The following SNX7 variants were observed in gnomAD, a reference collection of about 807,000 sequenced individuals.
SNX7 encodes sorting nexin 7, also known as sorting nexin-7.
In SNX7, 35 loss-of-function variants were observed where a neutral mutation model predicts 48.4. That is an observed-to-expected ratio of 0.72 (90% CI 0.55 to 0.96). The LOEUF is 0.96. Ranked by LOEUF, SNX7 falls within the 40% of genes least tolerant of loss-of-function variation. The pLI is 0.00. For missense variants in SNX7, 553 were observed against 548.9 expected, an observed-to-expected ratio of 1.01 and a Z score of -0.07; for synonymous variants, 190 against 190.2, an observed-to-expected ratio of 1.00 and a Z score of 0.01.
chr1:98,680,305 G>A (rs1650409779), intron 1 of SNX7, among the ~76,000 whole-genome samples: 1 of 152,208 alleles, frequency 6.6e-6, no homozygotes, highest in African/African-American at 2.4e-5. Flanking sequence ...CACAGTATGG[G>A]GACCCTGAGC....
chr1:98,701,967 T>C, intron 7 of SNX7, 64 bp downstream of exon 7: 2 of 1,077,100 alleles, frequency 1.9e-6, no homozygotes, highest in Non-Finnish European at 2.8e-6. Flanking sequence ...TTATTAGCAA[T>C]GTCCTTACAT....
intron 1 of SNX7, among the ~76,000 whole-genome samples, chr1:98,676,835 A>G (rs907840302): frequency 2.6e-5 from 4 of 152,230 alleles, no homozygotes; most frequent in Non-Finnish European, 5.9e-5. Flanking sequence ...GTAATTTAAC[A>G]TAGAAAGGCT....
intron 1 of SNX7, among the ~76,000 whole-genome samples, chr1:98,681,038 A>T (rs1262054037): frequency 1.3e-5 from 2 of 152,194 alleles, no homozygotes; most frequent in Non-Finnish European, 2.9e-5. Context: ...AGACTGGGGC[A>T]TTTGTATAGG....
At chr1:98,671,368 T>TA (rs767762265) in intron 1 of SNX7, among the ~76,000 whole-genome samples, 121 of 152,198 alleles carry the variant, frequency 8.0e-4, no homozygotes, top group African/African-American at 2.7e-3. Flanking sequence ...CTAGTATTAA[T>TA]AAAAAAAGAC....
At chr1:98,677,286 CT>C (rs1210737274) in intron 1 of SNX7, 1 of 152,022 alleles carries the variant, frequency 6.6e-6, no homozygotes, top group African/African-American at 2.4e-5. Context: ...CCATCTTTTT[CT>C]TTCTTTTATT....
chr1:98,746,918 A>T (rs543676670), intron 8 of SNX7, among the ~76,000 whole-genome samples: 25 of 152,188 alleles, frequency 1.6e-4, no homozygotes, highest in African/African-American at 6.0e-4. Flanking sequence ...TTTGAATAAG[A>T]TAATCTTTAG....
At chr1:98,733,977 CAATATCATT>C (rs1653647316) in intron 7 of SNX7, among the ~76,000 whole-genome samples, 2 of 152,122 alleles carry the variant, frequency 1.3e-5, no homozygotes, top group Non-Finnish European at 2.9e-5. Context: ...TTTTCATGCT[CAATATCATT>C]TCCAGCCTTT....
intron 7 of SNX7, among the ~76,000 whole-genome samples, chr1:98,711,699 G>T (rs1652317027): frequency 6.6e-6 from 1 of 152,168 alleles, no homozygotes; most frequent in Non-Finnish European, 1.5e-5. Context: ...CTGATTACGT[G>T]TTGGTTGATG....
intron 7 of SNX7, among the ~76,000 whole-genome samples, chr1:98,720,813 G>T (rs1475209610): frequency 6.6e-6 from 1 of 152,024 alleles, no homozygotes; most frequent in Non-Finnish European, 1.5e-5. Context: ...ATTAGGAGCT[G>T]TTTTTTATAT....
At chr1:98,691,920 C>T (rs1157573298) in intron 4 of SNX7, among the ~76,000 whole-genome samples, 1 of 115,580 alleles carries the variant, frequency 8.7e-6, no homozygotes, top group African/African-American at 3.7e-5. Flanking sequence ...TATATACACA[C>T]ACACACACAC....
chr1:98,752,005 C>G (rs1654611088), intron 8 of SNX7, among the ~76,000 whole-genome samples: 1 of 152,022 alleles, frequency 6.6e-6, no homozygotes, highest in Non-Finnish European at 1.5e-5. Flanking sequence ...CAGATACTAA[C>G]TTTTTTCACT....
intron 1 of SNX7, among the ~76,000 whole-genome samples, chr1:98,673,824 A>G (rs1650009990): frequency 6.6e-6 from 1 of 152,244 alleles, no homozygotes; most frequent in South Asian, 2.1e-4. Context: ...GATTGTGGAG[A>G]GGATTAAATG....
At chr1:98,756,670 A>G (rs1018763963) in intron 8 of SNX7, among the ~76,000 whole-genome samples, 2 of 151,566 alleles carry the variant, frequency 1.3e-5, no homozygotes, top group Non-Finnish European at 2.9e-5. Flanking sequence ...GCATATCTCC[A>G]GAGCTTTCCA....
intron 7 of SNX7, among the ~76,000 whole-genome samples, chr1:98,710,802 C>T (rs1476087624): frequency 6.6e-6 from 1 of 152,162 alleles, no homozygotes; most frequent in African/African-American, 2.4e-5. Context: ...CAGGAGAAGG[C>T]TTTGATTCAC....
At chr1:98,681,731 AG>A (rs1281962229) in intron 1 of SNX7, among the ~76,000 whole-genome samples, 5 of 152,166 alleles carry the variant, frequency 3.3e-5, no homozygotes, top group African/African-American at 4.8e-5. Flanking sequence ...TCTGTACTAG[AG>A]GGGAAGAACA....
upstream of SNX7, chr1:98,661,708 G>A: frequency 8.3e-7 from 1 of 1,208,400 alleles, no homozygotes; most frequent in Non-Finnish European, 1.0e-6. Flanking sequence ...GGCGGTGGCG[G>A]CCGGCTGGGC....
intron 7 of SNX7, among the ~76,000 whole-genome samples, chr1:98,716,648 C>A (rs1418440164): frequency 6.6e-6 from 1 of 152,024 alleles, no homozygotes; most frequent in Non-Finnish European, 1.5e-5. Flanking sequence ...CACAGTTATA[C>A]AGCTAGTTAA....
chr1:98,727,790 A>T (rs1476578258), intron 7 of SNX7, among the ~76,000 whole-genome samples: 1 of 152,080 alleles, frequency 6.6e-6, no homozygotes, highest in Non-Finnish European at 1.5e-5. Context: ...GATTCCAGAG[A>T]TTGAAGACTA....
intron 7 of SNX7, among the ~76,000 whole-genome samples, chr1:98,703,172 A>G (rs188928453): frequency 2.6e-5 from 4 of 152,232 alleles, no homozygotes; most frequent in African/African-American, 9.6e-5. Context: ...TAGTCACTCA[A>G]TAAATATGTA....
Sources: allele counts gnomAD v4.1 joint callset (sites outside exome capture counted in the v4.1 genomes callset), GRCh38; gene constraint gnomAD v4.1.1; transcripts MANE v1.5; gene names NCBI Gene and HGNC (gene_info 2026-07-23, HGNC 2026-07-21).